The following MAF variants were observed in gnomAD, a reference collection of about 807,000 sequenced individuals.
MAF encodes the protein MAF bZIP transcription factor.
MAF carries 10 observed loss-of-function variants against 22.0 expected under a neutral mutation model. That is an observed-to-expected ratio of 0.45 (90% confidence interval 0.28 to 0.77). MAF has a LOEUF of 0.77. Ranked by LOEUF, MAF falls within the 30% of genes least tolerant of loss-of-function variation. The pLI is 0.12. For synonymous variants in MAF, 337 were observed against 255.8 expected (o/e 1.32, Z -3.03); for missense variants, 544 against 548.4 (o/e 0.99, Z 0.08).
At chr16:79,366,267 A>T in the MAF span, among the ~76,000 whole-genome samples, 1 of 152,324 alleles carries the variant, frequency 6.6e-6, no homozygotes, top group Non-Finnish European at 1.5e-5. Context: ...GTAACTGCAC[A>T]CTAGACTGTC....
chr16:79,545,002 T>A, the MAF span, among the ~76,000 whole-genome samples: 4 of 152,052 alleles, frequency 2.6e-5, no homozygotes, highest in Admixed American at 6.6e-5. Flanking sequence ...ACTCAAGCAA[T>A]CTTGGGTCAG....
chr16:79,307,884 A>G, the MAF span, among the ~76,000 whole-genome samples: 383 of 152,326 alleles, frequency 2.5e-3, 2 homozygotes, highest in African/African-American at 8.9e-3. Flanking sequence ...TAAAATCCCA[A>G]CAGGCCCCAG....
chr16:79,355,177 T>C, the MAF span, among the ~76,000 whole-genome samples: 3 of 152,214 alleles, frequency 2.0e-5, no homozygotes, highest in African/African-American at 7.2e-5. Flanking sequence ...CCAGAATACA[T>C]TGGCAGTACT....
At chr16:79,384,148 T>TA in the MAF span, among the ~76,000 whole-genome samples, 14 of 151,970 alleles carry the variant, frequency 9.2e-5, 1 homozygote, top group African/African-American at 2.7e-4. Context: ...AGCATTGTTT[T>TA]AAAAAAAAGT....
the MAF span, among the ~76,000 whole-genome samples, chr16:79,469,773 T>C: frequency 6.6e-6 from 1 of 151,928 alleles, no homozygotes; most frequent in South Asian, 2.1e-4. Flanking sequence ...ATTTTTGTAT[T>C]TTTAGTAGAG....
At chr16:79,581,651 GA>G (rs1186237674), downstream of MAF, among the ~76,000 whole-genome samples, 1 of 150,996 alleles carries the variant, frequency 6.6e-6, no homozygotes, top group Admixed American at 6.7e-5. Flanking sequence ...GGACTAAAAA[GA>G]AATCGTCACC....
the MAF span, among the ~76,000 whole-genome samples, chr16:79,338,701 G>T: frequency 6.6e-6 from 1 of 152,186 alleles, no homozygotes; most frequent in African/African-American, 2.4e-5. Flanking sequence ...AGAGAGGGAA[G>T]ATACAGGCTT....
the MAF span, among the ~76,000 whole-genome samples, chr16:79,300,718 C>CA: frequency 2.0e-5 from 3 of 147,180 alleles, no homozygotes; most frequent in East Asian, 4.0e-4. Context: ...TTTGGAGAGA[C>CA]AAAAAAAATT....
the MAF span, among the ~76,000 whole-genome samples, chr16:79,274,443 AG>A: frequency 1.3e-5 from 2 of 152,072 alleles, no homozygotes; most frequent in African/African-American, 4.8e-5. Context: ...AAGCTCCCCA[AG>A]GGGACCCCAA....
At chr16:79,598,361 T>C (rs1182456171) in intron 1 of MAF, 9 of 1,118,356 alleles carry the variant, frequency 8.0e-6, no homozygotes, top group Non-Finnish European at 9.8e-6. Context: ...AATATGTGAA[T>C]GATGCAGGCT....
the MAF span, among the ~76,000 whole-genome samples, chr16:79,530,769 T>C: frequency 2.6e-5 from 4 of 152,248 alleles, no homozygotes; most frequent in Non-Finnish European, 5.9e-5. Flanking sequence ...TGGTTTATTG[T>C]ATCCTTTCAA....
chr16:79,571,554 T>TTTTTTTTTTTTTTTTTTTC, the MAF span, among the ~76,000 whole-genome samples: 2 of 139,790 alleles, frequency 1.4e-5, no homozygotes, highest in Non-Finnish European at 1.5e-5. Flanking sequence ...TTTTTTTTTT[T>TTTTTTTTTTTTTTTTTTTC]ACAAATGCAC....
At chr16:79,251,611 GTCT>G in the MAF span, among the ~76,000 whole-genome samples, 3 of 152,112 alleles carry the variant, frequency 2.0e-5, no homozygotes, top group African/African-American at 7.2e-5. Context: ...CCAGGCCTAA[GTCT>G]TCATCTTTTA....
the MAF span, among the ~76,000 whole-genome samples, chr16:79,259,320 T>TCACCAGC: frequency 6.6e-6 from 1 of 152,092 alleles, no homozygotes; most frequent in Non-Finnish European, 1.5e-5. Context: ...TCCTCCCCAC[T>TCACCAGC]CACCAGCCAC....
At chr16:79,576,231 TA>T in the MAF span, among the ~76,000 whole-genome samples, 4,421 of 42,934 alleles carry the variant, frequency 0.1, 157 homozygotes, top group African/African-American at 0.2. Context: ...CCTGTGGTAC[TA>T]AAAAAAAAAA....
chr16:79,208,401 G>A, the MAF span, among the ~76,000 whole-genome samples: 1 of 151,904 alleles, frequency 6.6e-6, no homozygotes, highest in Non-Finnish European at 1.5e-5. Flanking sequence ...AAATCGTTTA[G>A]GGGAACCCAT....
chr16:79,568,520 A>C, the MAF span, among the ~76,000 whole-genome samples: 4 of 152,188 alleles, frequency 2.6e-5, no homozygotes, highest in African/African-American at 9.7e-5. Flanking sequence ...TCTCATTAAA[A>C]CAGGCATACA....
At chr16:79,438,785 G>T in the MAF span, among the ~76,000 whole-genome samples, 3 of 152,096 alleles carry the variant, frequency 2.0e-5, no homozygotes, top group Non-Finnish European at 2.9e-5. Context: ...GAAGCGCTAG[G>T]AAGAAATAAA....
At chr16:79,388,002 G>C in the MAF span, among the ~76,000 whole-genome samples, 8 of 152,292 alleles carry the variant, frequency 5.3e-5, no homozygotes, top group Admixed American at 2.6e-4. Flanking sequence ...AACACAGTGA[G>C]TTTGTACCTG....
Sources: allele counts gnomAD v4.1 joint callset (sites outside exome capture counted in the v4.1 genomes callset), GRCh38; gene constraint gnomAD v4.1.1; transcripts MANE v1.5; gene names NCBI Gene and HGNC (gene_info 2026-07-23, HGNC 2026-07-21).